Variants in FOXP2 observed in about 807,000 individuals in gnomAD.
FOXP2 encodes the protein forkhead box protein P2.
A neutral mutation model predicts 115.8 loss-of-function variants in FOXP2; 12 were observed. The observed-to-expected ratio is 0.10, with a 90% CI of 0.07 to 0.17. FOXP2 has a LOEUF of 0.17. Ranked by LOEUF, FOXP2 falls within the 10% of genes least tolerant of loss-of-function variation. The pLI is 1.00. For synonymous variants in FOXP2, 328 were observed against 297.7 expected, an observed-to-expected ratio of 1.10 and a Z score of -1.05; for missense variants, 629 against 843.5, an observed-to-expected ratio of 0.75 and a Z score of 3.15.
intron 1 of FOXP2, among the ~76,000 whole-genome samples, chr7:114,210,585 C>T (rs1243493367): frequency 6.6e-6 from 1 of 152,162 alleles, no homozygotes; most frequent in Admixed American, 6.5e-5. Context: ...TAGGAGGTGG[C>T]TGGAGACCCC....
intron 2 of FOXP2, among the ~76,000 whole-genome samples, chr7:114,298,567 C>A (rs1726356403): frequency 2.0e-5 from 3 of 152,122 alleles, no homozygotes. Flanking sequence ...AGGTAGAAGG[C>A]AATATAATCT....
rs114643618 is a variant in FOXP2, at chr7:114,642,172, T to A, written c.776-238T>A. ...AATGCTTGATATTATTCTCAGTAAT[T>A]TCATATGGCATTATTCCCCATACTA... is the stretch of plus-strand genomic sequence containing the variant. On this transcript the variant is annotated intron_variant, in intron 6 of 16. Transcript: ENST00000350908. Among the ~76,000 whole-genome samples, 435 of 152,192 alleles carry A rather than the reference T, an allele frequency of 2.9e-3. 2 individuals are homozygous for A. The highest frequency in any genetic ancestry group is 0.01 in the African/African-American group (417 of 41,524).
chr7:114,478,681 A>G (rs1472555306), intron 2 of FOXP2, among the ~76,000 whole-genome samples: 1 of 151,778 alleles, frequency 6.6e-6, no homozygotes, highest in African/African-American at 2.4e-5. Context: ...TAATATGGTC[A>G]AAGGGAGTAA....
At chr7:114,408,479 T>A (rs1482597083) in intron 2 of FOXP2, among the ~76,000 whole-genome samples, 1 of 152,016 alleles carries the variant, frequency 6.6e-6, no homozygotes, top group Non-Finnish European at 1.5e-5. Flanking sequence ...GTAATTCCAA[T>A]ACTTTGGGAG....
Position 114,659,572 on chromosome 7 carries a change from G to T in FOXP2, c.1546G>T (p.Ala516Ser). 6.2e-7 allele frequency: 1 copy of T among 1,613,000 alleles called. No individual in the cohort carries two copies. The highest frequency in any genetic ancestry group is 8.5e-7 in the Non-Finnish European group (1 of 1,179,190). ...PFTYATLIRQ[A>S]IMESSDRQLT... ...CACTATGTATCTTGTCTCATTTCAG[G>T]CTATCATGGAGTCATCTGACAGGCA... The change falls in exon 13 of 17, where the codon GCT (alanine) becomes TCT (serine). Residue 516 changes from alanine to serine, a missense_variant and splice_region_variant. Coordinates refer to ENST00000350908, the MANE Select transcript of FOXP2 (RefSeq NM_014491.4).
At chr7:114,227,612 T>A (rs1386502636) in intron 1 of FOXP2, among the ~76,000 whole-genome samples, 1 of 152,108 alleles carries the variant, frequency 6.6e-6, no homozygotes, top group Non-Finnish European at 1.5e-5. Flanking sequence ...TTACTTTTTT[T>A]AAAGTTAGAG....
At chr7:114,171,828 G>C (rs1331850833) in intron 1 of FOXP2, among the ~76,000 whole-genome samples, 2 of 152,164 alleles carry the variant, frequency 1.3e-5, no homozygotes, top group Admixed American at 1.3e-4. Flanking sequence ...ATTTCTGATG[G>C]CATTAAAAAC....
chr7:114,429,223 GGATT>G (rs2129206408), intron 2 of FOXP2, among the ~76,000 whole-genome samples: 1 of 151,440 alleles, frequency 6.6e-6, no homozygotes, highest in East Asian at 1.9e-4. Context: ...AAGTGAAAAA[GGATT>G]GATAAACTGT....
intron 2 of FOXP2, among the ~76,000 whole-genome samples, chr7:114,294,954 A>G (rs919131905): frequency 2.0e-5 from 3 of 152,164 alleles, no homozygotes; most frequent in Non-Finnish European, 4.4e-5. Context: ...TCATTAAACC[A>G]TAATTCCAAA....
intron 1 of FOXP2, among the ~76,000 whole-genome samples, chr7:114,176,666 TG>T (rs1373561795): frequency 3.0e-4 from 24 of 78,746 alleles, no homozygotes; most frequent in African/African-American, 3.8e-4. Context: ...TTTCTTAGGT[TG>T]TTTTTTTTTT....
chr7:114,638,384 T>C (rs1312650984), intron 6 of FOXP2, among the ~76,000 whole-genome samples: 3 of 152,170 alleles, frequency 2.0e-5, no homozygotes, highest in Admixed American at 6.5e-5. Context: ...ACAGCATTTA[T>C]AAGACTACTG....
At chr7:114,283,973 C>CA (rs1480054254) in intron 1 of FOXP2, among the ~76,000 whole-genome samples, 6 of 151,910 alleles carry the variant, frequency 3.9e-5, no homozygotes, top group Non-Finnish European at 7.4e-5. Flanking sequence ...AAAAGAAGAG[C>CA]AAAACAAAAC....
intron 2 of FOXP2, among the ~76,000 whole-genome samples, chr7:114,337,654 G>A (rs547955662): frequency 6.6e-6 from 1 of 151,226 alleles, no homozygotes; most frequent in African/African-American, 2.4e-5. Flanking sequence ...GGAGTTCTCA[G>A]CAGTTCCTGA....
intron 1 of FOXP2, among the ~76,000 whole-genome samples, chr7:114,416,828 G>C (rs1793369269): frequency 6.6e-6 from 1 of 151,912 alleles, no homozygotes; most frequent in Non-Finnish European, 1.5e-5. Flanking sequence ...ACCTAACAGA[G>C]ATTACGGTAT....
chr7:114,655,288 T>G (rs1584999177), intron 10 of FOXP2, among the ~76,000 whole-genome samples: 1 of 152,284 alleles, frequency 6.6e-6, no homozygotes, highest in East Asian at 1.9e-4. Flanking sequence ...TCCAATTAAT[T>G]ATTCAATCAG....
At chr7:114,114,328 G>C (rs1052112864) in intron 1 of FOXP2, among the ~76,000 whole-genome samples, 1 of 151,204 alleles carries the variant, frequency 6.6e-6, no homozygotes, top group Non-Finnish European at 1.5e-5. Context: ...AATATTCTTT[G>C]GACTAAATTC....
chr7:114,266,429 T>C (rs1364173286), intron 1 of FOXP2, among the ~76,000 whole-genome samples: 1 of 152,162 alleles, frequency 6.6e-6, no homozygotes, highest in African/African-American at 2.4e-5. Flanking sequence ...TCTCCTCAGC[T>C]TCTGGGAGGC....
intron 2 of FOXP2, among the ~76,000 whole-genome samples, chr7:114,513,474 C>T (rs1334379477): frequency 3.9e-5 from 6 of 152,068 alleles, no homozygotes; most frequent in Admixed American, 2.6e-4. Flanking sequence ...TTAGACCCCA[C>T]CTCAAGCCTA....
intron 2 of FOXP2, among the ~76,000 whole-genome samples, chr7:114,379,777 T>A (rs1286817113): frequency 6.6e-6 from 1 of 152,144 alleles, no homozygotes; most frequent in Non-Finnish European, 1.5e-5. Flanking sequence ...ACTATCTGCT[T>A]GATAGTTTTG....
Sources: gnomAD v4.1 joint callset for allele counts (sites outside exome capture counted in the v4.1 genomes callset) on GRCh38, gnomAD v4.1.1 for gene constraint, MANE v1.5 for transcripts, NCBI Gene and HGNC (gene_info 2026-07-23, HGNC 2026-07-21) for gene names.